The following MMP16 variants were observed in gnomAD, a reference collection of about 807,000 sequenced individuals.
MMP16 encodes the protein matrix metalloproteinase-16.
MMP16 carries 12 observed loss-of-function variants against 67.8 expected under a neutral mutation model. That is an observed-to-expected ratio of 0.18 (90% CI 0.11 to 0.29). MMP16 has a LOEUF of 0.29. Among genes scored for constraint, MMP16 ranks in the 10% least tolerant of loss-of-function variants. The pLI is 1.00. For synonymous variants in MMP16, 249 were observed against 255.9 expected (o/e 0.97, Z 0.26); for missense variants, 475 against 765.7 (o/e 0.62, Z 4.48).
At chr8:88,295,170 T>C (rs1810993211) in intron 1 of MMP16, among the ~76,000 whole-genome samples, 1 of 152,180 alleles carries the variant, frequency 6.6e-6, no homozygotes, top group Non-Finnish European at 1.5e-5. Flanking sequence ...AACCTTGTCT[T>C]AATGCACAAA....
intron 1 of MMP16, among the ~76,000 whole-genome samples, chr8:88,324,677 A>G (rs1811510829): frequency 6.6e-6 from 1 of 152,156 alleles, no homozygotes; most frequent in Non-Finnish European, 1.5e-5. Flanking sequence ...TTTTGCAACC[A>G]GAATGAGGAA....
intron 6 of MMP16, among the ~76,000 whole-genome samples, chr8:88,108,527 T>C (rs1273457996): frequency 2.0e-5 from 3 of 151,420 alleles, no homozygotes; most frequent in Non-Finnish European, 3.0e-5. Context: ...TTATGTAATA[T>C]GGAATATCTG....
At chr8:88,320,833 G>A (rs542966739) in intron 1 of MMP16, among the ~76,000 whole-genome samples, 4 of 152,158 alleles carry the variant, frequency 2.6e-5, no homozygotes, top group Admixed American at 6.5e-5. Flanking sequence ...TTACTCTCTC[G>A]GCTCAGCTTC....
At chr8:88,137,688 C>A (rs1204043853) in intron 4 of MMP16, among the ~76,000 whole-genome samples, 1 of 151,898 alleles carries the variant, frequency 6.6e-6, no homozygotes, top group Non-Finnish European at 1.5e-5. Flanking sequence ...TTTTTCTCCA[C>A]TTTCTCACAT....
chr8:88,176,235 GA>G (rs1490248151), intron 3 of MMP16, among the ~76,000 whole-genome samples: 1 of 152,182 alleles, frequency 6.6e-6, no homozygotes, highest in Non-Finnish European at 1.5e-5. Context: ...TCAATGACCT[GA>G]AAGTTTATAG....
chr8:88,184,280 C>T (rs1167698851), intron 3 of MMP16, among the ~76,000 whole-genome samples: 1 of 152,044 alleles, frequency 6.6e-6, no homozygotes, highest in African/African-American at 2.4e-5. Context: ...TGTTTCAGCT[C>T]AACAATGCTT....
At chr8:88,166,189 A>C (rs1022770866) in intron 4 of MMP16, among the ~76,000 whole-genome samples, 6 of 152,072 alleles carry the variant, frequency 3.9e-5, no homozygotes, top group Admixed American at 6.6e-5. Context: ...TGAACAAACA[A>C]AGCTTAATGT....
intron 1 of MMP16, among the ~76,000 whole-genome samples, chr8:88,214,362 C>A (rs982355029): frequency 6.6e-6 from 1 of 152,126 alleles, no homozygotes; most frequent in South Asian, 2.1e-4. Flanking sequence ...ATCTAAAATA[C>A]ATTTCTTTTT....
chr8:88,182,504 AT>A (rs1385067330), intron 3 of MMP16, among the ~76,000 whole-genome samples: 4 of 152,168 alleles, frequency 2.6e-5, no homozygotes, highest in Admixed American at 6.5e-5. Flanking sequence ...ATCTCAAAAA[AT>A]ATCACTAACT....
chr8:88,158,861 T>A (rs1324843974), intron 4 of MMP16, among the ~76,000 whole-genome samples: 1 of 152,178 alleles, frequency 6.6e-6, no homozygotes, highest in Admixed American at 6.6e-5. Context: ...AAGGAAGGGA[T>A]CCAGTTTCAG....
intron 8 of MMP16, among the ~76,000 whole-genome samples, chr8:88,051,095 C>T (rs1808264656): frequency 6.6e-6 from 1 of 152,124 alleles, no homozygotes; most frequent in Non-Finnish European, 1.5e-5. Context: ...TTTGTGTCAG[C>T]TTTGAAATAT....
chr8:88,072,958 C>A (rs558612636), intron 7 of MMP16, among the ~76,000 whole-genome samples: 1 of 151,978 alleles, frequency 6.6e-6, no homozygotes, highest in Admixed American at 6.6e-5. Flanking sequence ...AGCGGCAAAG[C>A]GAATAAAAGT....
chr8:88,148,288 C>T (rs949613353), intron 4 of MMP16, among the ~76,000 whole-genome samples: 8 of 152,056 alleles, frequency 5.3e-5, no homozygotes, highest in African/African-American at 1.9e-4. Flanking sequence ...TATTATGTAT[C>T]TTAATTTCAT....
At chr8:88,193,738 A>AC (rs1330178539) in intron 2 of MMP16, among the ~76,000 whole-genome samples, 4 of 152,060 alleles carry the variant, frequency 2.6e-5, no homozygotes, top group African/African-American at 9.7e-5. Flanking sequence ...CATAATAATT[A>AC]AAAATAATTT....
intron 6 of MMP16, among the ~76,000 whole-genome samples, chr8:88,076,737 C>T (rs1808658207): frequency 6.6e-6 from 1 of 152,068 alleles, no homozygotes; most frequent in Admixed American, 6.6e-5. Context: ...TAAAACCTTG[C>T]CAATCTCCAA....
intron 3 of MMP16, among the ~76,000 whole-genome samples, chr8:88,185,185 A>G (rs1809053963): frequency 1.3e-5 from 2 of 152,154 alleles, no homozygotes; most frequent in Non-Finnish European, 2.9e-5. Flanking sequence ...CAGGCCAGGC[A>G]TGGTAGGTCA....
At chr8:88,215,311 G>A (rs770519485) in intron 1 of MMP16, among the ~76,000 whole-genome samples, 4 of 151,332 alleles carry the variant, frequency 2.6e-5, no homozygotes, top group Non-Finnish European at 5.9e-5. Context: ...GACAGAGTGA[G>A]ACTCTGTCTA....
intron 1 of MMP16, among the ~76,000 whole-genome samples, chr8:88,279,556 T>G (rs1015355034): frequency 6.6e-6 from 1 of 152,170 alleles, no homozygotes; most frequent in Non-Finnish European, 1.5e-5. Context: ...ATTGTTCTCA[T>G]GTAGGAGTAA....
At chr8:88,301,126 T>C (rs1811092478) in intron 1 of MMP16, among the ~76,000 whole-genome samples, 1 of 152,144 alleles carries the variant, frequency 6.6e-6, no homozygotes, top group South Asian at 2.1e-4. Context: ...CCTAGCTCAA[T>C]GAAAAATGAG....
Sources: gnomAD v4.1 joint callset for allele counts (sites outside exome capture counted in the v4.1 genomes callset) on GRCh38, gnomAD v4.1.1 for gene constraint, MANE v1.5 for transcripts, NCBI Gene and HGNC (gene_info 2026-07-23, HGNC 2026-07-21) for gene names.